INO80: variants seen among roughly 807,000 people sequenced by gnomAD.
INO80 encodes chromatin-remodeling ATPase INO80.
In INO80, 20 loss-of-function variants were observed where a neutral mutation model predicts 203.4. The observed-to-expected ratio is 0.10, with a 90% CI of 0.07 to 0.14. The LOEUF (loss-of-function observed/expected upper bound fraction) is 0.14, where lower values mean the gene tolerates loss of function less well. INO80 is among the 10% of genes least tolerant of loss of function. INO80 has a pLI of 1.00. For missense variants in INO80, 1,419 were observed against 1,914.4 expected (o/e 0.74, Z 4.83); for synonymous variants, 726 against 685.2 (o/e 1.06, Z -0.93).
At chr15:40,992,637 C>A (rs1192919446) in intron 29 of INO80, among the ~76,000 whole-genome samples, 3 of 152,342 alleles carry the variant, frequency 2.0e-5, no homozygotes, top group Middle Eastern at 3.4e-3. Flanking sequence ...TCTAGCAACA[C>A]ACACACAGTA....
intron 24 of INO80, among the ~76,000 whole-genome samples, chr15:41,028,693 C>A (rs1470269862): frequency 6.6e-6 from 1 of 152,152 alleles, no homozygotes; most frequent in Non-Finnish European, 1.5e-5. Flanking sequence ...TCTGTCTCTA[C>A]TAAAAATACA....
At chr15:41,079,649 T>G in intron 9 of INO80, 52 bp downstream of exon 9, 1 of 1,522,084 alleles carries the variant, frequency 6.6e-7, no homozygotes, top group Non-Finnish European at 9.1e-7. Context: ...AACGAATCTC[T>G]TCAAATGGCT....
At chr15:41,055,774 C>T (rs1279516250) in intron 17 of INO80, among the ~76,000 whole-genome samples, 6 of 152,144 alleles carry the variant, frequency 3.9e-5, no homozygotes, top group Non-Finnish European at 8.8e-5. Context: ...TGGTCTACCA[C>T]TATTTTAAAT....
intron 14 of INO80, among the ~76,000 whole-genome samples, chr15:41,066,846 C>CAAAAAAAAAAAAA (rs58118605): frequency 1.4e-5 from 1 of 70,620 alleles, no homozygotes; most frequent in African/African-American, 4.2e-5. Context: ...AAAAAAAAAG[C>CAAAAAAAAAAAAA]AAAAAAAAAA....
chr15:41,070,328 T>C, intron 13 of INO80, 139 bp downstream of exon 13: 1 of 736,868 alleles, frequency 1.4e-6, no homozygotes, highest in South Asian at 1.8e-5. Context: ...TGTCCCCTTA[T>C]AAAGCTCTGA....
rs376477880 is a variant in INO80, at chr15:40,984,166, C to T, written c.4077+31G>A. 7 of 1,608,802 alleles carry T rather than the reference C, an allele frequency of 4.4e-6. No homozygotes were observed. In the Middle Eastern group the frequency reaches 1.0e-3, roughly 232 times the overall value. ...TACACGGTCAGGACACTCCTTACGGCTGTGATGCAGGCATCTAAAAGGAGC... is the reference window on the plus strand; with the variant it reads ...TACACGGTCAGGACACTCCTTACGGTTGTGATGCAGGCATCTAAAAGGAGC... On this transcript the variant is annotated intron_variant, in intron 33 of 35. Coordinates refer to ENST00000648947, the MANE Select transcript of INO80 (RefSeq NM_017553.3).
In INO80 at chr15:40,979,988, C is replaced by T. The variant is rs1015529178; in HGVS notation, c.*235G>A. 3.6e-6 allele frequency: 2 copies of T among 562,242 alleles called. No homozygotes were observed. Among genetic ancestry groups the T allele is most frequent in the Non-Finnish European group, 6.4e-6 (2 of 313,160 alleles). The allele number at this position is 562,242 out of a possible 1,614,324, so 34.8% of individuals were successfully genotyped here. ...TTGGCTATACAGTTCACTTGAGATG[C>T]AGTGGGGCTGATCCATGCCCTGTGG... On this transcript the variant is annotated 3_prime_UTR_variant, in exon 36 of 36. Transcript: ENST00000648947.
intron 24 of INO80, among the ~76,000 whole-genome samples, chr15:41,042,752 G>A (rs541957182): frequency 6.6e-6 from 1 of 152,286 alleles, no homozygotes; most frequent in Non-Finnish European, 1.5e-5. Flanking sequence ...GGGATTACAG[G>A]TGTGAGCCAC....
intron 24 of INO80, among the ~76,000 whole-genome samples, chr15:41,042,072 T>A (rs1596285180): frequency 6.7e-6 from 1 of 149,752 alleles, no homozygotes; most frequent in African/African-American, 2.5e-5. Context: ...GGAGTGCAGG[T>A]GCATGATCTC....
chr15:41,072,117 A>C, intron 11 of INO80, 59 bp from the exon 12 acceptor site: 1 of 1,171,578 alleles, frequency 8.5e-7, no homozygotes, highest in East Asian at 2.5e-5. Context: ...TATTACATGA[A>C]AATAAGACTC....
chr15:41,087,471 A>G, intron 6 of INO80, 91 bp downstream of exon 6: 1 of 1,321,184 alleles, frequency 7.6e-7, no homozygotes, highest in Non-Finnish European at 1.0e-6. Flanking sequence ...TACCATATGG[A>G]CTTATATATA....
chr15:41,106,383 CAAAAAA>C (rs369784846), intron 1 of INO80, among the ~76,000 whole-genome samples: 4 of 83,914 alleles, frequency 4.8e-5, no homozygotes, highest in Admixed American at 1.3e-4. Context: ...GACCCTGTCT[CAAAAAA>C]AAAAAAAAAA....
intron 3 of INO80, 32 bp downstream of exon 3, chr15:41,095,727 T>A: frequency 6.2e-7 from 1 of 1,611,912 alleles, no homozygotes; most frequent in Non-Finnish European, 8.5e-7. Flanking sequence ...AAGATAACGA[T>A]AGTCCAAAGG....
chr15:41,002,460 A>G (rs570029635), intron 28 of INO80, among the ~76,000 whole-genome samples: 2 of 152,178 alleles, frequency 1.3e-5, no homozygotes, highest in Non-Finnish European at 2.9e-5. Flanking sequence ...GGTACTGCAA[A>G]ATATACTGAG....
chr15:41,084,294 G>A (rs374995821), intron 7 of INO80, among the ~76,000 whole-genome samples: 15 of 151,864 alleles, frequency 9.9e-5, no homozygotes, highest in South Asian at 8.3e-4. Context: ...GCGTGGTGGC[G>A]CACACCTGTA....
At chr15:41,103,986 A>G (rs1010019299) in intron 1 of INO80, among the ~76,000 whole-genome samples, 5 of 151,718 alleles carry the variant, frequency 3.3e-5, no homozygotes, top group Non-Finnish European at 5.9e-5. Context: ...GAGGCCAAGG[A>G]AGGCTGATCA....
At chr15:41,089,787 C>T (rs1041381466) in intron 5 of INO80, among the ~76,000 whole-genome samples, 2 of 151,006 alleles carry the variant, frequency 1.3e-5, no homozygotes, top group Non-Finnish European at 2.9e-5. Context: ...GCTTTGGTAA[C>T]GGCATTCAAA....
chr15:41,058,549 GTC>G, intron 16 of INO80, 88 bp downstream of exon 16: 2 of 1,033,616 alleles, frequency 1.9e-6, no homozygotes, highest in Non-Finnish European at 1.4e-6. Flanking sequence ...ATATATACAA[GTC>G]TGTGTGTGTG....
intron 19 of INO80, among the ~76,000 whole-genome samples, chr15:41,050,671 G>C (rs1245423634): frequency 6.6e-6 from 1 of 152,064 alleles, no homozygotes; most frequent in African/African-American, 2.4e-5. Context: ...GCCCTCATCT[G>C]ATATAGTATA....
Sources: allele counts gnomAD v4.1 joint callset (sites outside exome capture counted in the v4.1 genomes callset), GRCh38; gene constraint gnomAD v4.1.1; transcripts MANE v1.5; gene names NCBI Gene and HGNC (gene_info 2026-07-23, HGNC 2026-07-21).